PTPRG: variants seen among roughly 807,000 people sequenced by gnomAD.
The protein encoded by PTPRG is protein tyrosine phosphatase receptor type G.
In PTPRG, 102 loss-of-function variants were observed where a neutral mutation model predicts 165.3. That is an observed-to-expected ratio of 0.62 (90% CI 0.53 to 0.73). The LOEUF (loss-of-function observed/expected upper bound fraction) is 0.73, where lower values mean the gene tolerates loss of function less well. Ranked by LOEUF, PTPRG falls within the 30% of genes least tolerant of loss-of-function variation. The pLI, the probability that PTPRG is intolerant of heterozygous loss-of-function variation, is 0.00. For missense variants in PTPRG, 1,866 were observed against 1,861.4 expected (o/e 1.00, Z -0.05); for synonymous variants, 675 against 669.5 (o/e 1.01, Z -0.13).
chr3:61,921,387 G>C (rs544590460), intron 2 of PTPRG, among the ~76,000 whole-genome samples: 2 of 152,094 alleles, frequency 1.3e-5, no homozygotes, highest in African/African-American at 2.4e-5. Context: ...GTAGGATAAC[G>C]GGATGGATCT....
At chr3:61,787,418 G>A (rs1331301157) in intron 2 of PTPRG, among the ~76,000 whole-genome samples, 1 of 152,186 alleles carries the variant, frequency 6.6e-6, no homozygotes, top group Non-Finnish European at 1.5e-5. Flanking sequence ...CATTGCCTCT[G>A]TTTGAAAAAC....
At chr3:61,813,592 T>TG (rs58092182) in intron 2 of PTPRG, among the ~76,000 whole-genome samples, 7 of 145,820 alleles carry the variant, frequency 4.8e-5, no homozygotes, top group Non-Finnish European at 9.1e-5. Context: ...TGTGTGTGTG[T>TG]TTAGTTGTAC....
intron 5 of PTPRG, among the ~76,000 whole-genome samples, chr3:62,116,819 A>G (rs1702885024): frequency 6.6e-6 from 1 of 152,228 alleles, no homozygotes; most frequent in Non-Finnish European, 1.5e-5. Flanking sequence ...CTCAATGTCT[A>G]ATGGGAAGAC....
At chr3:62,207,361 C>T (rs760375328) in intron 12 of PTPRG, among the ~76,000 whole-genome samples, 9 of 152,358 alleles carry the variant, frequency 5.9e-5, no homozygotes, top group East Asian at 1.9e-4. Flanking sequence ...TAGTAAAGGA[C>T]GTGAGTGACC....
chr3:61,963,827 G>A (rs1424372214), intron 2 of PTPRG, among the ~76,000 whole-genome samples: 3 of 151,790 alleles, frequency 2.0e-5, no homozygotes, highest in East Asian at 3.9e-4. Context: ...CCTAAACAAT[G>A]GAAATACTAA....
chr3:61,810,460 T>A (rs1267131914), intron 2 of PTPRG, among the ~76,000 whole-genome samples: 1 of 152,108 alleles, frequency 6.6e-6, no homozygotes, highest in Non-Finnish European at 1.5e-5. Context: ...AAGGAATGAT[T>A]TCTTTTTAGG....
At chr3:62,248,376 G>C (rs924992090) in intron 15 of PTPRG, among the ~76,000 whole-genome samples, 7 of 152,098 alleles carry the variant, frequency 4.6e-5, no homozygotes, top group African/African-American at 1.7e-4. Context: ...ATGTTCCCTG[G>C]TTACTGGTTT....
intron 2 of PTPRG, among the ~76,000 whole-genome samples, chr3:61,866,310 A>T (rs975582379): frequency 1.3e-5 from 2 of 152,098 alleles, no homozygotes; most frequent in African/African-American, 4.8e-5. Flanking sequence ...ACAGTAACAC[A>T]TGCTTCTGTT....
chr3:61,726,312 G>C (rs1220537050), intron 1 of PTPRG, among the ~76,000 whole-genome samples: 1 of 152,038 alleles, frequency 6.6e-6, no homozygotes, highest in Non-Finnish European at 1.5e-5. Context: ...TTTATGACTT[G>C]GTGGGATCCT....
intron 2 of PTPRG, among the ~76,000 whole-genome samples, chr3:61,953,906 T>C (rs2039962727): frequency 6.6e-6 from 1 of 152,214 alleles, no homozygotes. Flanking sequence ...TGCTTTGACC[T>C]GTTCCTATAG....
At chr3:62,119,036 T>G (rs922616760) in intron 5 of PTPRG, among the ~76,000 whole-genome samples, 5 of 152,224 alleles carry the variant, frequency 3.3e-5, no homozygotes, top group African/African-American at 1.2e-4. Context: ...AAGATAGAGC[T>G]GGGAATACGA....
intron 2 of PTPRG, among the ~76,000 whole-genome samples, chr3:61,795,301 CAAG>C (rs1477480743): frequency 6.6e-6 from 1 of 152,032 alleles, no homozygotes; most frequent in African/African-American, 2.4e-5. Context: ...TGGTGAAGGT[CAAG>C]AAGTAGTAAC....
intron 1 of PTPRG, among the ~76,000 whole-genome samples, chr3:61,580,357 C>T (rs1303226775): frequency 1.3e-5 from 2 of 150,988 alleles, no homozygotes; most frequent in East Asian, 1.9e-4. Flanking sequence ...ACCCTTGAGT[C>T]GTTCAAGGGT....
At chr3:61,813,338 A>G (rs1296625672) in intron 2 of PTPRG, among the ~76,000 whole-genome samples, 3 of 150,344 alleles carry the variant, frequency 2.0e-5, no homozygotes, top group Admixed American at 6.6e-5. Context: ...AAAAAAAAAA[A>G]AAAAAAAATA....
At chr3:61,753,586 T>TTTTC in intron 2 of PTPRG, 1 of 153,068 alleles carries the variant, frequency 6.5e-6, no homozygotes, top group East Asian at 1.6e-4. Context: ...AATTTGAGGG[T>TTTTC]TTTTTTTTTT....
chr3:62,012,045 G>A (rs1388781320), intron 4 of PTPRG, among the ~76,000 whole-genome samples: 3 of 152,216 alleles, frequency 2.0e-5, no homozygotes, highest in African/African-American at 7.2e-5. Context: ...GCTTAGGGTA[G>A]TGGCGGTTGT....
intron 5 of PTPRG, among the ~76,000 whole-genome samples, chr3:62,129,471 A>G (rs961577604): frequency 1.3e-5 from 2 of 151,998 alleles, no homozygotes; most frequent in Non-Finnish European, 2.9e-5. Context: ...GAAGTCCAAG[A>G]GAATGGCCCT....
intron 2 of PTPRG, among the ~76,000 whole-genome samples, chr3:61,918,782 C>T (rs1195148342): frequency 1.3e-5 from 2 of 152,150 alleles, no homozygotes; most frequent in Admixed American, 1.3e-4. Flanking sequence ...GGATTTAAAC[C>T]ATTTCTCGCT....
At chr3:61,914,413 T>C (rs181167537) in intron 2 of PTPRG, among the ~76,000 whole-genome samples, 2 of 152,346 alleles carry the variant, frequency 1.3e-5, no homozygotes, top group Admixed American at 1.3e-4. Context: ...CAGAGAAATG[T>C]GACTCCCGGC....
Sources: allele counts gnomAD v4.1 joint callset (sites outside exome capture counted in the v4.1 genomes callset), GRCh38; gene constraint gnomAD v4.1.1; transcripts MANE v1.5; gene names NCBI Gene and HGNC (gene_info 2026-07-23, HGNC 2026-07-21).